DNM1L: variants seen among roughly 807,000 people sequenced by gnomAD.
The protein encoded by DNM1L is dynamin-1-like protein.
DNM1L carries 33 observed loss-of-function variants against 92.8 expected under a neutral mutation model. The observed-to-expected ratio is 0.36, with a 90% CI of 0.27 to 0.48. The LOEUF (loss-of-function observed/expected upper bound fraction) is 0.48. DNM1L is among the 20% of genes least tolerant of loss of function. The pLI is 0.99. For missense variants in DNM1L, 485 were observed against 888.8 expected, an observed-to-expected ratio of 0.55 and a Z score of 5.78; for synonymous variants, 284 against 305.0, an observed-to-expected ratio of 0.93 and a Z score of 0.72.
At chr12:32,683,028 T>C (rs766106288) in intron 1 of DNM1L, among the ~76,000 whole-genome samples, 1 of 152,110 alleles carries the variant, frequency 6.6e-6, no homozygotes, top group Non-Finnish European at 1.5e-5. Flanking sequence ...TTTCTTAAAT[T>C]AAGAATTGGA....
At chr12:32,733,136 G>A (rs1004961128) in intron 12 of DNM1L, among the ~76,000 whole-genome samples, 7 of 152,168 alleles carry the variant, frequency 4.6e-5, no homozygotes, top group Non-Finnish European at 1.0e-4. Context: ...TAGCAATTCT[G>A]TAGAGGGCTG....
At chr12:32,737,844 C>T in intron 14 of DNM1L, 21 bp from the exon 15 acceptor site, 5 of 1,609,024 alleles carry the variant, frequency 3.1e-6, no homozygotes, top group Non-Finnish European at 4.3e-6. Flanking sequence ...TTTTTTTCCC[C>T]CCTGGATTTT....
chr12:32,710,792 GT>G, intron 4 of DNM1L, 136 bp from the exon 5 acceptor site: 3 of 696,938 alleles, frequency 4.3e-6, no homozygotes, highest in Non-Finnish European at 7.0e-6. Flanking sequence ...GTTTCATCAG[GT>G]TTTGATTGTT....
rs1271504353 is a variant in DNM1L, at chr12:32,744,649, GT to G, written c.*1241del. The G allele has an allele frequency of 3.2e-6, 1 of 308,176 alleles. No individual in the cohort carries two copies. The highest frequency in any genetic ancestry group is 1.1e-4 in the East Asian group (1 of 9,166). The allele number at this position is 308,176 out of a possible 1,614,324, so 19.1% of individuals were successfully genotyped here. On this transcript the variant is annotated 3_prime_UTR_variant, in exon 20 of 20. Coordinates refer to ENST00000549701, the MANE Select transcript of DNM1L (RefSeq NM_012062.5). ...AATTGCTTGACCCTGGGAGGTGGAG[GT>G]TGTGGTGAGCTAAGATCGTGCCATT...
At chr12:32,695,048 C>T (rs549417323) in intron 1 of DNM1L, among the ~76,000 whole-genome samples, 7 of 152,074 alleles carry the variant, frequency 4.6e-5, no homozygotes, top group African/African-American at 1.7e-4. Context: ...AAGAAGGAAC[C>T]GAGGATACAA....
At chr12:32,734,809 TA>T (rs540564815) in intron 13 of DNM1L, among the ~76,000 whole-genome samples, 5 of 151,350 alleles carry the variant, frequency 3.3e-5, no homozygotes, top group African/African-American at 4.9e-5. Flanking sequence ...AACTCCATCT[TA>T]AAAAAAAACT....
intron 2 of DNM1L, chr12:32,706,592 A>G (rs1228454532): frequency 4.7e-6 from 2 of 428,728 alleles, no homozygotes; most frequent in Admixed American, 5.2e-5. Context: ...GAACAGACCT[A>G]TGACTGGAAA....
At chr12:32,705,830 G>A in intron 2 of DNM1L, 2 of 1,597,926 alleles carry the variant, frequency 1.3e-6, no homozygotes, top group Non-Finnish European at 1.7e-6. Flanking sequence ...TACAGACCCT[G>A]CTACATGGAA....
intron 7 of DNM1L, among the ~76,000 whole-genome samples, chr12:32,720,095 T>C (rs984147820): frequency 2.1e-4 from 32 of 152,108 alleles, no homozygotes; most frequent in African/African-American, 7.2e-4. Context: ...ATTCCAGTTG[T>C]CTGCTTCTAT....
intron 5 of DNM1L, chr12:32,711,401 C>A (rs545050641): frequency 4.9e-6 from 1 of 203,256 alleles, no homozygotes; most frequent in South Asian, 8.7e-5. Flanking sequence ...TCAAATATCT[C>A]CAGACTTGTA....
intron 9 of DNM1L, among the ~76,000 whole-genome samples, chr12:32,725,841 G>A (rs1954095054): frequency 6.6e-6 from 1 of 151,848 alleles, no homozygotes; most frequent in Non-Finnish European, 1.5e-5. Flanking sequence ...CTGACCTCAG[G>A]TGATCTGCCT....
chr12:32,726,636 A>C, intron 9 of DNM1L: 1 of 852,640 alleles, frequency 1.2e-6, no homozygotes. Flanking sequence ...ACTCTCAGGA[A>C]CTTCAGGAGG....
Position 32,710,981 on chromosome 12 carries a change from A to G in DNM1L, c.422A>G (p.Asn141Ser), listed in dbSNP as rs138620818. Residue 141 changes from asparagine (N) to serine (S), a missense_variant, in exon 5 of 20, where the codon AAT becomes AGT. Physicochemically the swap from Asn to Ser is conservative, Grantham distance 46. This residue lies in a region of DNM1L where 159 missense variants were observed against 275.9 expected (regional missense o/e 0.58). Coordinates refer to ENST00000549701, the MANE Select transcript of DNM1L (RefSeq NM_012062.5). ...AAGATTTTTTCACCCAACGTTGTCAATTTGACACTTGTGGATTTGCCAGGA... is the reference window on the plus strand; with the variant it reads ...AAGATTTTTTCACCCAACGTTGTCAGTTTGACACTTGTGGATTTGCCAGGA... ...HLKIFSPNVV[N>S]LTLVDLPGMT... 234 of 1,613,906 alleles carry G rather than the reference A, an allele frequency of 1.4e-4. No individual in the cohort carries two copies. The highest frequency in any genetic ancestry group is 1.5e-4 in the Non-Finnish European group (174 of 1,179,934).
At chr12:32,720,006 G>A (rs1253311964) in intron 7 of DNM1L, among the ~76,000 whole-genome samples, 1 of 152,162 alleles carries the variant, frequency 6.6e-6, no homozygotes, top group Non-Finnish European at 1.5e-5. Context: ...TACAACGTAG[G>A]TTTAAATGAC....
At chr12:32,687,233 T>G (rs1324345060) in intron 1 of DNM1L, among the ~76,000 whole-genome samples, 1 of 152,180 alleles carries the variant, frequency 6.6e-6, no homozygotes, top group Non-Finnish European at 1.5e-5. Flanking sequence ...TTTTTTATTT[T>G]TTAATGTTTT....
intron 9 of DNM1L, among the ~76,000 whole-genome samples, chr12:32,724,721 A>T (rs973787886): frequency 3.4e-4 from 50 of 148,724 alleles, no homozygotes; most frequent in Non-Finnish European, 5.8e-4. Context: ...TCACTAACTG[A>T]TAGTTTAGTT....
chr12:32,730,907 G>C (rs1954513679), intron 9 of DNM1L, 107 bp from the exon 10 acceptor site: 2 of 1,501,938 alleles, frequency 1.3e-6, no homozygotes, highest in Non-Finnish European at 1.8e-6. Context: ...TTTATCTGAG[G>C]CTTTCTCAGA....
intron 1 of DNM1L, among the ~76,000 whole-genome samples, chr12:32,683,343 G>C (rs1417786044): frequency 6.6e-6 from 1 of 151,598 alleles, no homozygotes; most frequent in African/African-American, 2.4e-5. Context: ...TCTTGCCTCA[G>C]CCTCCTGAGT....
intron 5 of DNM1L, among the ~76,000 whole-genome samples, chr12:32,712,291 A>G (rs1381066681): frequency 1.3e-5 from 2 of 152,038 alleles, no homozygotes; most frequent in Non-Finnish European, 2.9e-5. Context: ...TTACGTCCCT[A>G]TTCTTCTCCT....
Sources: gnomAD v4.1 joint callset for allele counts (sites outside exome capture counted in the v4.1 genomes callset) on GRCh38, gnomAD v4.1.1 for gene constraint, gnomAD v4.1.1 regional missense constraint, MANE v1.5 for transcripts, NCBI Gene and HGNC (gene_info 2026-07-23, HGNC 2026-07-21) for gene names.